Variants in CORO7 observed in about 807,000 individuals in gnomAD.
CORO7 encodes the protein coronin-7.
A neutral mutation model predicts 126.6 loss-of-function variants in CORO7; 107 were observed. The observed-to-expected ratio is 0.85, with a 90% confidence interval of 0.72 to 0.99. The LOEUF (loss-of-function observed/expected upper bound fraction) is 0.99, where lower values mean the gene tolerates loss of function less well. CORO7 is among the 50% of genes least tolerant of loss of function. The pLI, the probability that CORO7 is intolerant of heterozygous loss-of-function variation, is 0.00. For missense variants in CORO7, 1,314 were observed against 1,255.8 expected (o/e 1.05, Z -0.70); for synonymous variants, 603 against 536.8 (o/e 1.12, Z -1.70).
intron 9 of CORO7, chr16:4,382,651 G>A (rs2055036881): frequency 6.4e-7 from 1 of 1,554,310 alleles, no homozygotes; most frequent in East Asian, 2.4e-5. Context: ...CGCGCTGGCT[G>A]CGGTGGGGGC....
chr16:4,363,644 G>A (rs907619527), intron 14 of CORO7, among the ~76,000 whole-genome samples: 43 of 152,086 alleles, frequency 2.8e-4, no homozygotes, highest in African/African-American at 5.1e-4. Context: ...ACTGGGAGGC[G>A]GAGGTTGCAG....
intron 8 of CORO7, 121 bp from the exon 9 acceptor site, chr16:4,388,189 G>A: frequency 7.7e-7 from 1 of 1,292,222 alleles, no homozygotes. Context: ...CCAGAGCAGG[G>A]CTTGGAGTGG....
Position 4,387,824 on chromosome 16 carries a change from G to T in CORO7, c.785+162C>A, listed in dbSNP as rs13332121. The T allele has an allele frequency of 0.011, 9,479 of 842,390 alleles. 546 individuals are homozygous for T. In the African/African-American group the frequency reaches 0.13, roughly 11 times the overall value. 52.2% of individuals were successfully genotyped at this position (842,390 alleles called of 1,614,324 possible). On this transcript the variant is annotated intron_variant, in intron 9 of 27. Coordinates refer to ENST00000251166, the MANE Select transcript of CORO7 (RefSeq NM_024535.5). The stretch of plus-strand genomic sequence containing the variant: ...CTCGTGACATCTGGAAGCTCCGGGG[G>T]TACAGGGCCAGGTGTCTGTTGCAAG...
chr16:4,362,473 G>A lies in CORO7; in HGVS notation c.1402+139C>T, dbSNP rs1226527868. ...CCACACCCCAGCCCCCAGGACAAAT[G>A]ACCCTGCCAGTGAGTCTGGGTGAGG... is the stretch of plus-strand genomic sequence containing the variant. On this transcript the variant is annotated intron_variant, in intron 15 of 27. Transcript: ENST00000251166. The surrounding 1 kb of genome is among the most constrained non-coding windows in gnomAD (Gnocchi z 5.3). The A allele has an allele frequency of 7.1e-7, 1 of 1,411,870 alleles. No homozygotes were observed. Among genetic ancestry groups the A allele is most frequent in the Non-Finnish European group, 9.3e-7 (1 of 1,074,864 alleles). 87.5% of individuals were successfully genotyped at this position (1,411,870 alleles called of 1,614,324 possible). A position where few individuals can be genotyped will look rare whatever the true frequency, so the allele number is the denominator to read the frequency against.
intron 9 of CORO7, among the ~76,000 whole-genome samples, chr16:4,374,853 G>A (rs1468101694): frequency 5.9e-5 from 9 of 152,142 alleles, no homozygotes; most frequent in Admixed American, 3.9e-4. Flanking sequence ...TAGGGCTGGC[G>A]GCCTTCCTTG....
At chr16:4,403,148 T>C (rs1423358282) in intron 6 of CORO7, among the ~76,000 whole-genome samples, 5 of 151,826 alleles carry the variant, frequency 3.3e-5, no homozygotes, top group Admixed American at 2.6e-4. Flanking sequence ...AAAGAGGGGC[T>C]CACGCTCGCT....
chr16:4,407,591 G>T lies in CORO7; in HGVS notation c.397C>A (p.Gln133Lys). The T allele has an allele frequency of 1.3e-6, 2 of 1,593,370 alleles. No homozygotes were observed. The highest frequency in any genetic ancestry group is 1.7e-6 in the Non-Finnish European group (2 of 1,169,912). ...GPEDLPVEVL[Q>K]FHPTSDGILV... ...ATGCCGTCAGAGGTGGGGTGGAACT[G>T]CAGTACCTCCACTGGGAGGTCCTCG... The change falls in exon 5 of 28, where the codon CAG (glutamine) becomes AAG (lysine). Residue 133 changes from glutamine to lysine, a missense_variant. Coordinates refer to ENST00000251166, the MANE Select transcript of CORO7 (RefSeq NM_024535.5).
intron 7 of CORO7, among the ~76,000 whole-genome samples, chr16:4,392,869 C>G (rs1234220979): frequency 6.6e-6 from 1 of 152,212 alleles, no homozygotes; most frequent in Admixed American, 6.5e-5. Context: ...AGGCCCCAGC[C>G]AGCAGCTGGA....
chr16:4,366,924 CT>C (rs2054366722), intron 9 of CORO7, among the ~76,000 whole-genome samples: 1 of 152,226 alleles, frequency 6.6e-6, no homozygotes, highest in South Asian at 2.1e-4. Flanking sequence ...CCCGTCCCCA[CT>C]GTGTTGCCAG....
chr16:4,381,142 G>A (rs960773115), intron 9 of CORO7: 21 of 1,610,066 alleles, frequency 1.3e-5, no homozygotes, highest in East Asian at 1.1e-4. Flanking sequence ...GAACCAGATC[G>A]CCAGCCTGCC....
chr16:4,382,145 GGACACGGCACCACCT>G, intron 9 of CORO7: 1 of 1,591,976 alleles, frequency 6.3e-7, no homozygotes. Flanking sequence ...TGCCACCTGG[GGACACGGCACCACCT>G]GGCGTGCTTG....
At chr16:4,396,033 G>A (rs2055577129) in intron 6 of CORO7, among the ~76,000 whole-genome samples, 1 of 149,674 alleles carries the variant, frequency 6.7e-6, no homozygotes. Context: ...CATGCATAAA[G>A]AACCAGGGCA....
intron 5 of CORO7, 89 bp downstream of exon 5, chr16:4,407,412 A>T (rs2056040505): frequency 6.9e-7 from 1 of 1,455,396 alleles, no homozygotes; most frequent in African/African-American, 1.4e-5. Flanking sequence ...TCTGTTTTTA[A>T]ATTTATGTGA....
rs141340048 is a variant in CORO7 at position 4,360,380 on chromosome 16, C to A, written c.2023-17G>T. ...TGGGCCTTCCTGTTGAGATACATCG[C>A]GTGACACCCAGCCAGCACCCCTGAA... On this transcript the variant is annotated splice_polypyrimidine_tract_variant and intron_variant, in intron 20 of 27. Transcript: ENST00000251166. 3.7e-6 allele frequency: 6 copies of A among 1,613,350 alleles called. No individual in the cohort carries two copies. In the African/African-American group the frequency reaches 6.7e-5, roughly 18 times the overall value.
chr16:4,360,734 C>T (rs2054143337), intron 19 of CORO7, among the ~76,000 whole-genome samples, 186 bp from the exon 20 acceptor site: 1 of 145,880 alleles, frequency 6.9e-6, no homozygotes, highest in Non-Finnish European at 1.5e-5. Flanking sequence ...CCCCCTTCTC[C>T]TCAATGCTAG....
At position 4,357,170 on chromosome 16, in the gene CORO7, C is replaced by T; in HGVS notation, c.2683G>A (p.Glu895Lys). 1 of 1,613,888 alleles carries T rather than the reference C, an allele frequency of 6.2e-7. No homozygotes were observed. Among genetic ancestry groups the T allele is most frequent in the South Asian group, 1.1e-5 (1 of 91,082 alleles). ...CAGCTGCTCTCTCCCATGCCTACCT[C>T]CTCCTTCTTTTGCTGGTCAGACTTT... Reference protein sequence around the residue: ...EEKSDQQKKEELLNAMVAKLG... With the variant: ...EEKSDQQKKEKLLNAMVAKLG... The change falls in exon 26 of 28, where the codon GAG becomes AAG. Residue 895 changes from glutamate (E) to lysine (K), a missense_variant and splice_region_variant. Transcript: ENST00000251166.
At chr16:4,386,030 C>T (rs1018549277) in intron 9 of CORO7, among the ~76,000 whole-genome samples, 4 of 152,206 alleles carry the variant, frequency 2.6e-5, no homozygotes, top group African/African-American at 9.6e-5. Context: ...TAGTGGGGGG[C>T]TCCAGCTTCC....
intron 6 of CORO7, among the ~76,000 whole-genome samples, chr16:4,400,460 C>T (rs1050420406): frequency 2.0e-5 from 3 of 152,226 alleles, no homozygotes; most frequent in Middle Eastern, 6.8e-3. Context: ...ATGGAGAAAC[C>T]CCGTCTCTAC....
chr16:4,375,836 T>C (rs2141228027), intron 9 of CORO7, among the ~76,000 whole-genome samples: 1 of 152,320 alleles, frequency 6.6e-6, no homozygotes, highest in East Asian at 1.9e-4. Flanking sequence ...CATGGAGGTT[T>C]TTTTTAGAAA....
Sources: gnomAD v4.1 joint callset for allele counts (sites outside exome capture counted in the v4.1 genomes callset) on GRCh38, gnomAD v4.1.1 for gene constraint, Gnocchi (gnomAD v3.1) non-coding constraint, MANE v1.5 for transcripts, NCBI Gene and HGNC (gene_info 2026-07-23, HGNC 2026-07-21) for gene names.